The following PRR16 variants were observed in gnomAD, a reference collection of about 807,000 sequenced individuals.
PRR16 encodes proline rich 16.
In PRR16, 6 loss-of-function variants were observed where a neutral mutation model predicts 18.2. The ratio of observed to expected loss-of-function variants is 0.33; its 90% CI spans 0.18 to 0.65. PRR16 has a LOEUF of 0.65. Ranked by LOEUF, PRR16 falls within the 30% of genes least tolerant of loss-of-function variation. The probability of loss-of-function intolerance (pLI) is 0.74; values close to 1 mark genes in which losing one functional copy is unlikely to be tolerated. For missense variants in PRR16, 412 were observed against 376.6 expected, an observed-to-expected ratio of 1.09 and a Z score of -0.78; for synonymous variants, 151 against 147.8, an observed-to-expected ratio of 1.02 and a Z score of -0.16.
At chr5:120,648,258 G>A (rs981458974) in intron 1 of PRR16, among the ~76,000 whole-genome samples, 3 of 152,042 alleles carry the variant, frequency 2.0e-5, no homozygotes, top group Non-Finnish European at 4.4e-5. Flanking sequence ...AATATTTATT[G>A]AGTGTCTTTA....
the PRR16 span, among the ~76,000 whole-genome samples, chr5:120,694,112 A>G: frequency 6.6e-6 from 1 of 152,214 alleles, no homozygotes; most frequent in Non-Finnish European, 1.5e-5. Context: ...TAAGAGTAAA[A>G]CCTTGAACAA....
chr5:120,720,781 T>C, the PRR16 span, among the ~76,000 whole-genome samples: 2 of 151,906 alleles, frequency 1.3e-5, no homozygotes, highest in African/African-American at 4.8e-5. Context: ...AAAGTGTGTC[T>C]TGAACAGTTT....
intron 1 of PRR16, among the ~76,000 whole-genome samples, chr5:120,647,345 A>G (rs1480335156): frequency 2.6e-5 from 4 of 151,948 alleles, no homozygotes; most frequent in Admixed American, 6.6e-5. Context: ...ACAGATAACA[A>G]TTAAAATTGT....
At chr5:120,770,061 A>T in the PRR16 span, among the ~76,000 whole-genome samples, 2 of 151,874 alleles carry the variant, frequency 1.3e-5, no homozygotes, top group African/African-American at 4.8e-5. Context: ...GTTATTGTTA[A>T]TTGTTGAGTT....
chr5:120,664,186 C>G (rs542300395), intron 1 of PRR16, among the ~76,000 whole-genome samples: 2 of 152,108 alleles, frequency 1.3e-5, no homozygotes, highest in East Asian at 3.9e-4. Context: ...GTAATCCCAG[C>G]TACTCAGAAT....
intron 1 of PRR16, chr5:120,531,420 G>C (rs780837299): frequency 2.0e-5 from 3 of 152,108 alleles, no homozygotes; most frequent in Non-Finnish European, 2.9e-5. Context: ...CAGACAGCCA[G>C]GGGTCATTGT....
intron 1 of PRR16, among the ~76,000 whole-genome samples, chr5:120,633,527 A>G (rs2112843518): frequency 6.6e-6 from 1 of 152,314 alleles, no homozygotes; most frequent in Admixed American, 6.5e-5. Context: ...GGGTGGAAAA[A>G]AGAGATTCCA....
At chr5:120,626,751 G>T (rs1309817066) in intron 1 of PRR16, among the ~76,000 whole-genome samples, 2 of 152,032 alleles carry the variant, frequency 1.3e-5, no homozygotes, top group African/African-American at 2.4e-5. Context: ...CTTATCTGTG[G>T]TTCCCTCCAT....
At chr5:120,524,714 A>G (rs768578478) in intron 1 of PRR16, among the ~76,000 whole-genome samples, 21 of 152,130 alleles carry the variant, frequency 1.4e-4, no homozygotes, top group Non-Finnish European at 2.6e-4. Flanking sequence ...GAAGGGATAA[A>G]TGCTTGAGGT....
intron 1 of PRR16, among the ~76,000 whole-genome samples, chr5:120,601,106 G>C (rs1309389857): frequency 1.3e-5 from 2 of 151,894 alleles, no homozygotes; most frequent in Non-Finnish European, 2.9e-5. Flanking sequence ...GGATTGCTGG[G>C]TCAAAATGGT....
the PRR16 span, among the ~76,000 whole-genome samples, chr5:120,754,288 A>G: frequency 3.0e-5 from 1 of 33,854 alleles, no homozygotes; most frequent in African/African-American, 1.1e-4. Context: ...ATATAAATAT[A>G]TAATATATAA....
intron 1 of PRR16, among the ~76,000 whole-genome samples, chr5:120,591,755 T>G (rs1397219635): frequency 6.6e-6 from 1 of 152,078 alleles, no homozygotes; most frequent in African/African-American, 2.4e-5. Flanking sequence ...TTTTCAGAAT[T>G]ATAGCAATTG....
At chr5:120,504,157 A>G (rs1421067860) in intron 1 of PRR16, among the ~76,000 whole-genome samples, 1 of 152,050 alleles carries the variant, frequency 6.6e-6, no homozygotes, top group Non-Finnish European at 1.5e-5. Flanking sequence ...TATATCTCCT[A>G]ATGCTATCCC....
the PRR16 span, among the ~76,000 whole-genome samples, chr5:120,712,204 C>G: frequency 6.6e-6 from 1 of 152,112 alleles, no homozygotes; most frequent in Non-Finnish European, 1.5e-5. Context: ...ATAGTTACCT[C>G]CTTTGTGCGT....
the PRR16 span, among the ~76,000 whole-genome samples, chr5:120,751,411 C>T: frequency 6.6e-6 from 1 of 152,026 alleles, no homozygotes. Flanking sequence ...CAAGAGCATT[C>T]CTCTTTCTCT....
At chr5:120,541,403 C>T (rs898818978) in intron 1 of PRR16, among the ~76,000 whole-genome samples, 4 of 152,200 alleles carry the variant, frequency 2.6e-5, no homozygotes, top group Admixed American at 2.6e-4. Flanking sequence ...ACCTCAGCCT[C>T]TCAAAGTGCT....
At chr5:120,594,441 GA>G (rs1753737598) in intron 1 of PRR16, among the ~76,000 whole-genome samples, 1 of 151,814 alleles carries the variant, frequency 6.6e-6, no homozygotes, top group African/African-American at 2.4e-5. Context: ...AAACACTGCT[GA>G]AAAGAAATCA....
rs753424007 is a variant in PRR16 at position 120,685,491 on chromosome 5, T to C, written c.160-463T>C. The stretch of plus-strand genomic sequence containing the variant: ...TTGAAACTCTCAACAGTTGAGTTCA[T>C]TTGGTTGCCTTGTGAGGTCAAGTCT... On this transcript the variant is annotated intron_variant, in intron 1 of 1. Transcript: ENST00000407149. Among the ~76,000 whole-genome samples, 77 of 152,330 alleles carry C rather than the reference T, an allele frequency of 5.1e-4. 1 individual carries two copies. The highest frequency in any genetic ancestry group is 1.6e-3 in the Admixed American group (25 of 15,312).
intron 1 of PRR16, among the ~76,000 whole-genome samples, chr5:120,477,743 G>C (rs975646824): frequency 6.6e-6 from 1 of 152,014 alleles, no homozygotes; most frequent in African/African-American, 2.4e-5. Flanking sequence ...CCTTGTTATG[G>C]TTCTAATGTC....
Sources: allele counts gnomAD v4.1 joint callset (sites outside exome capture counted in the v4.1 genomes callset), GRCh38; gene constraint gnomAD v4.1.1; transcripts MANE v1.5; gene names NCBI Gene and HGNC (gene_info 2026-07-23, HGNC 2026-07-21).